Variants in BRCA2 observed in about 807,000 individuals in gnomAD.
BRCA2 encodes breast cancer type 2 susceptibility protein.
A neutral mutation model predicts 276.7 loss-of-function variants in BRCA2; 203 were observed. That is an observed-to-expected ratio of 0.73 (90% confidence interval 0.65 to 0.82). The LOEUF (loss-of-function observed/expected upper bound fraction) is 0.82. Among genes scored for constraint, BRCA2 ranks in the 40% least tolerant of loss-of-function variants. The pLI, the probability that BRCA2 is intolerant of heterozygous loss-of-function variation, is 0.00. For missense variants in BRCA2, 3,920 were observed against 3,915.0 expected, an observed-to-expected ratio of 1.00 and a Z score of -0.03; for synonymous variants, 1,289 against 1,338.4, an observed-to-expected ratio of 0.96 and a Z score of 0.81.
chr13:32,389,501 T>G (rs1464830703), intron 24 of BRCA2, among the ~76,000 whole-genome samples: 1 of 152,222 alleles, frequency 6.6e-6, no homozygotes, highest in Non-Finnish European at 1.5e-5. Flanking sequence ...TTCTCTCATC[T>G]CAGAATATTT....
In BRCA2 at chr13:32,379,893, A is replaced by G. The variant is rs766308212; in HGVS notation, c.9097A>G (p.Thr3033Ala). 6.2e-7 allele frequency: 1 copy of G among 1,613,806 alleles called. No homozygotes were observed. Among genetic ancestry groups the G allele is most frequent in the Non-Finnish European group, 8.5e-7 (1 of 1,179,782 alleles). ...CATACAGTTAGCAGCGACAAAAAAA[A>G]CTCAGTATCAACAACTACCGGTACA... Reference protein sequence around the residue: ...ANIQLAATKKTQYQQLPVSDE... With the variant: ...ANIQLAATKKAQYQQLPVSDE... The change falls in exon 23 of 27, where the codon ACT (threonine) becomes GCT (alanine). Residue 3033 changes from threonine (T) to alanine (A), a missense_variant. Around this residue, in one of 2 missense-constraint regions of BRCA2, gnomAD observed 657 missense variants for 758.2 expected, o/e 0.87. Transcript: ENST00000380152.
chr13:32,358,885 G>T lies in BRCA2; in HGVS notation c.7805+956G>T, dbSNP rs206097. On this transcript the variant is annotated intron_variant, in intron 16 of 26. Transcript: ENST00000380152. The stretch of plus-strand genomic sequence containing the variant: ...GTAGGTGGAGGTTGCAGTGAGCCAA[G>T]ATCACGCCACTGCACTCCAGCCTGG... Among the ~76,000 whole-genome samples, 66,677 of 151,032 alleles carry T rather than the reference G, an allele frequency of 0.44. 14,931 individuals are homozygous for T. The highest frequency in any genetic ancestry group is 0.55 in the Middle Eastern group (160 of 290).
rs554663691 is a variant in BRCA2 at position 32,340,349 on chromosome 13, A to G, written c.5994A>G (p.Gln1998=). ...ATGCTTCATTACAAAACGCAAGACA[A>G]GTGTTTTCTGAAATAGAAGATAGTA... The part of the protein sequence containing the change: ...VSDASLQNAR[Q]VFSEIEDSTK... Residue 1998 remains glutamine (Q), a synonymous_variant, in exon 11 of 27, where the codon CAA becomes CAG. Transcript: ENST00000380152. 1.2e-6 allele frequency: 2 copies of G among 1,614,022 alleles called. No individual in the cohort carries two copies. Among genetic ancestry groups the G allele is most frequent in the African/African-American group, 2.7e-5 (2 of 75,048 alleles).
At chr13:32,349,521 A>G (rs1216315189) in intron 13 of BRCA2, among the ~76,000 whole-genome samples, 5 of 152,036 alleles carry the variant, frequency 3.3e-5, no homozygotes. Context: ...CCAAAATGGA[A>G]TAAGTTGAAA....
chr13:32,362,407 A>G, intron 16 of BRCA2, 116 bp from the exon 17 acceptor site: 3 of 1,024,622 alleles, frequency 2.9e-6, no homozygotes, highest in Non-Finnish European at 4.4e-6. Context: ...ATATGAACTC[A>G]TAAAAACTTA....
Position 32,366,564 on chromosome 13 carries a change from A to G in BRCA2, c.8331+3031A>G, listed in dbSNP as rs11571733. ...TGGCTGGGCACAGTGGCTCACACCT[A>G]TAATCCCAGCACTTTGAGAGGCCAA... On this transcript the variant is annotated intron_variant, in intron 18 of 26. Coordinates refer to ENST00000380152, the MANE Select transcript of BRCA2 (RefSeq NM_000059.4). Among the ~76,000 whole-genome samples the G allele has an allele frequency of 4.1e-4, 62 of 152,108 alleles. No individual in the cohort carries two copies. The East Asian group carries it at 0.012, about 29-fold the overall frequency.
At chr13:32,361,400 T>G (rs528426171) in intron 16 of BRCA2, among the ~76,000 whole-genome samples, 1 of 152,246 alleles carries the variant, frequency 6.6e-6, no homozygotes, top group South Asian at 2.1e-4. Context: ...AAAGAGCAGT[T>G]GAAGAGGAGG....
intron 14 of BRCA2, among the ~76,000 whole-genome samples, chr13:32,356,030 A>C (rs2072691715): frequency 6.6e-6 from 1 of 151,538 alleles, no homozygotes; most frequent in African/African-American, 2.4e-5. Flanking sequence ...GTATAATTTT[A>C]TAAAACAGGG....
chr13:32,377,451 C>T (rs1312675891), intron 21 of BRCA2, among the ~76,000 whole-genome samples: 2 of 151,936 alleles, frequency 1.3e-5, no homozygotes, highest in Admixed American at 1.3e-4. Context: ...ATTAGCCAGG[C>T]GTGGTGCACA....
rs1555282036 is a variant in BRCA2, at chr13:32,333,210, G to C, written c.1732G>C (p.Gly578Arg). Residue 578 changes from glycine (G) to arginine (R), a missense_variant, in exon 10 of 27, where the codon GGT becomes CGT. Transcript: ENST00000380152. ...GAATTCTGTAGCTTTGAAGAATGCA[G>C]GTTTAATATCCACTTTGAAAAAGAA... is the stretch of plus-strand genomic sequence containing the variant. ...TQNSVALKNA[G>R]LISTLKKKTN... The C allele has an allele frequency of 6.2e-7, 1 of 1,613,296 alleles. No individual in the cohort carries two copies. Among genetic ancestry groups the C allele is most frequent in the East Asian group, 2.2e-5 (1 of 44,860 alleles).
chr13:32,384,800 CTAAA>C (rs1338980514), intron 24 of BRCA2: 2 of 269,900 alleles, frequency 7.4e-6, no homozygotes, highest in Non-Finnish European at 1.6e-5. Context: ...GGTTTCTAGA[CTAAA>C]TACAGTGTGG....
chr13:32,328,855 A>T (rs1221169840), intron 7 of BRCA2, among the ~76,000 whole-genome samples: 1 of 151,426 alleles, frequency 6.6e-6, no homozygotes, highest in Non-Finnish European at 1.5e-5. Context: ...TTGTGTGCCC[A>T]TGTGTGTGTG....
At position 32,332,675 on chromosome 13, in the gene BRCA2, C is replaced by G. The variant is rs377308954; in HGVS notation, c.1197C>G (p.Thr399=). Residue 399 remains threonine, a synonymous_variant, in exon 10 of 27, where the codon ACC becomes ACG. Transcript: ENST00000380152. ...TGGCCTGTGAATGGTCTCAACTAAC[C>G]CTTTCAGGTCTAAATGGAGCCCAGA... ...PSLACEWSQL[T]LSGLNGAQME... The G allele has an allele frequency of 5.6e-6, 9 of 1,613,800 alleles. No individual in the cohort carries two copies. Among genetic ancestry groups the G allele is most frequent in the African/African-American group, 1.3e-5 (1 of 74,906 alleles).
chr13:32,368,533 T>TA (rs1220628336), intron 18 of BRCA2, among the ~76,000 whole-genome samples: 2 of 152,016 alleles, frequency 1.3e-5, no homozygotes, highest in Non-Finnish European at 2.9e-5. Flanking sequence ...TTTTTTTTTT[T>TA]AATGAAAACC....
intron 20 of BRCA2, among the ~76,000 whole-genome samples, chr13:32,374,541 G>A (rs1262744468): frequency 3.3e-5 from 5 of 152,178 alleles, no homozygotes; most frequent in African/African-American, 1.2e-4. Context: ...TCATCTCTCT[G>A]AAGTTCAACA....
chr13:32,386,366 C>T (rs531240561), intron 24 of BRCA2, among the ~76,000 whole-genome samples: 1 of 152,234 alleles, frequency 6.6e-6, no homozygotes, highest in South Asian at 2.1e-4. Context: ...TGAGATCGCA[C>T]CACTGCACTC....
chr13:32,348,370 A>G (rs1322326047), intron 13 of BRCA2, among the ~76,000 whole-genome samples: 1 of 152,052 alleles, frequency 6.6e-6, no homozygotes, highest in Admixed American at 6.6e-5. Context: ...ACAAGTAAAA[A>G]TGACCCACAG....
In BRCA2 at chr13:32,336,343, T is replaced by C. The variant is rs552526845; in HGVS notation, c.1988T>C (p.Phe663Ser). The C allele has an allele frequency of 2.5e-6, 4 of 1,607,158 alleles. No individual in the cohort carries two copies. In the African/African-American group the frequency reaches 4.0e-5, roughly 16 times the overall value. Reference sequence around the variant, plus strand: ...CCAACTTTGTCCTTAACTAGCTCTTTTGGGACAATTCTGAGGAAATGTTCT... The same window carrying C: ...CCAACTTTGTCCTTAACTAGCTCTTCTGGGACAATTCTGAGGAAATGTTCT... ...EEPTLSLTSSFGTILRKCSRN... is the reference protein window; with the variant it reads ...EEPTLSLTSSSGTILRKCSRN... Residue 663 changes from phenylalanine to serine, a missense_variant, in exon 11 of 27, where the codon TTT (phenylalanine) becomes TCT (serine). By Grantham distance (155) the Phe-to-Ser change is radical. Transcript: ENST00000380152.
chr13:32,347,299 A>G (rs1038423106), intron 13 of BRCA2, among the ~76,000 whole-genome samples: 1 of 152,170 alleles, frequency 6.6e-6, no homozygotes, highest in African/African-American at 2.4e-5. Flanking sequence ...AGAAACAACA[A>G]AAGTTTGGAA....
Sources: gnomAD v4.1 joint callset for allele counts (sites outside exome capture counted in the v4.1 genomes callset) on GRCh38, gnomAD v4.1.1 for gene constraint, gnomAD v4.1.1 regional missense constraint, MANE v1.5 for transcripts, NCBI Gene and HGNC (gene_info 2026-07-23, HGNC 2026-07-21) for gene names.